The following ZSWIM2 variants were observed in gnomAD, a reference collection of about 807,000 sequenced individuals.
ZSWIM2 encodes zinc finger SWIM-type containing 2.
Under a neutral mutation model 48.4 loss-of-function variants are expected in ZSWIM2, and 38 were observed. The observed-to-expected ratio is 0.79, with a 90% CI of 0.61 to 1.03. The LOEUF (loss-of-function observed/expected upper bound fraction) is 1.03. Among genes scored for constraint, ZSWIM2 ranks in the 50% least tolerant of loss-of-function variants. The pLI, the probability that ZSWIM2 is intolerant of heterozygous loss-of-function variation, is 0.00. For missense variants in ZSWIM2, 776 were observed against 730.2 expected, an observed-to-expected ratio of 1.06 and a Z score of -0.72; for synonymous variants, 240 against 251.3, an observed-to-expected ratio of 0.96 and a Z score of 0.42.
At chr2:186,848,398 G>C (rs1215777856) in intron 1 of ZSWIM2, among the ~76,000 whole-genome samples, 1 of 152,176 alleles carries the variant, frequency 6.6e-6, no homozygotes, top group Non-Finnish European at 1.5e-5. Context: ...TAATTTTTGA[G>C]TGGTTAAGGA....
chr2:186,830,324 G>A (rs1183139718), intron 7 of ZSWIM2, among the ~76,000 whole-genome samples: 1 of 152,178 alleles, frequency 6.6e-6, no homozygotes, highest in East Asian at 1.9e-4. Context: ...GGAGGTTGCA[G>A]TGAGCCGAGA....
intron 3 of ZSWIM2, among the ~76,000 whole-genome samples, chr2:186,839,570 A>C (rs1475489122): frequency 6.6e-6 from 1 of 151,718 alleles, no homozygotes; most frequent in East Asian, 1.9e-4. Flanking sequence ...CTGATATCCG[A>C]GTAGCTACTG....
rs201691052 is a variant in ZSWIM2 at position 186,828,258 on chromosome 2, C to T, written c.1628G>A (p.Arg543Gln). The change falls in exon 9 of 9, where the codon CGG becomes CAG. Residue 543 changes from arginine to glutamine, a missense_variant. Transcript: ENST00000295131. ...ISGKFHTSLS[R>Q]MTKGCKCNNH... ...ATTACATTTACAGCCTTTGGTCATC[C>T]GGCTTAGACTAGTGTGAAATTTTCC... The T allele has an allele frequency of 1.2e-5, 19 of 1,613,522 alleles. 1 individual carries two copies. The highest frequency in any genetic ancestry group is 4.5e-5 in the East Asian group (2 of 44,856).
At chr2:186,846,826 T>TATATATATATATATATATATATAA (rs1692012786) in intron 2 of ZSWIM2, among the ~76,000 whole-genome samples, 2 of 137,732 alleles carry the variant, frequency 1.5e-5, no homozygotes, top group African/African-American at 5.3e-5. Context: ...TATATATATA[T>TATATATATATATATATATATATAA]AATGTAATAG....
chr2:186,847,858 G>T, intron 1 of ZSWIM2, 63 bp from the exon 2 acceptor site: 1 of 1,191,874 alleles, frequency 8.4e-7, no homozygotes, highest in Non-Finnish European at 1.2e-6. Flanking sequence ...GCAAAACTGA[G>T]TTAATAAAAG....
rs748535826 is a variant in ZSWIM2 at position 186,837,288 on chromosome 2, T to C, written c.743+18A>G. Reference sequence around the variant, plus strand: ...AATAAAAAAGAACACATGCTTATAATTTACGGATAACACTTACTTATAACA... The same window carrying C: ...AATAAAAAAGAACACATGCTTATAACTTACGGATAACACTTACTTATAACA... On this transcript the variant is annotated intron_variant, in intron 5 of 8. Coordinates refer to ENST00000295131, the MANE Select transcript of ZSWIM2 (RefSeq NM_182521.3). 9 of 1,608,610 alleles carry C rather than the reference T, an allele frequency of 5.6e-6. No homozygotes were observed. The highest frequency in any genetic ancestry group is 7.6e-6 in the Non-Finnish European group (9 of 1,176,994).
At position 186,845,187 on chromosome 2, in the gene ZSWIM2, A is replaced by T. The variant is rs1292017376; in HGVS notation, c.243-430T>A. 1.4e-4 allele frequency among the ~76,000 whole-genome samples: 21 copies of T among 151,096 alleles called. No individual in the cohort carries two copies. The South Asian group carries it at 4.2e-3, about 30-fold the overall frequency. Reference sequence around the variant, plus strand: ...GCATGATATAAAAAAATTTTTTTTAAATTTTACCAATAAAATGGAATGCGA... The same window carrying T: ...GCATGATATAAAAAAATTTTTTTTATATTTTACCAATAAAATGGAATGCGA... On this transcript the variant is annotated intron_variant, in intron 2 of 8. Coordinates refer to ENST00000295131, the MANE Select transcript of ZSWIM2 (RefSeq NM_182521.3).
chr2:186,832,445 A>T (rs1691718565), intron 7 of ZSWIM2, among the ~76,000 whole-genome samples: 1 of 151,994 alleles, frequency 6.6e-6, no homozygotes, highest in Non-Finnish European at 1.5e-5. Context: ...ATTGAACAGG[A>T]CTATTGCAAA....
intron 3 of ZSWIM2, among the ~76,000 whole-genome samples, chr2:186,842,370 C>T (rs10201183): frequency 0.15 from 22,127 of 151,056 alleles, 2,538 homozygotes; most frequent in African/African-American, 0.33. Flanking sequence ...TTCTCAATGC[C>T]TACTAATTAA....
intron 4 of ZSWIM2, among the ~76,000 whole-genome samples, 173 bp downstream of exon 4, chr2:186,838,777 TTATATTATA>T (rs1196756662): frequency 2.1e-5 from 3 of 142,054 alleles, no homozygotes; most frequent in Non-Finnish European, 4.5e-5. Flanking sequence ...TATAATATAT[TTATATTATA>T]TATATTATAT....
rs1322669037 is a variant in ZSWIM2, at chr2:186,828,286, T to G, written c.1600A>C (p.Ser534Arg). Reference sequence around the variant, plus strand: ...CTTAGACTAGTGTGAAATTTTCCACTGATGCATGGACTTTCCATTGCAGTG... The same window carrying G: ...CTTAGACTAGTGTGAAATTTTCCACGGATGCATGGACTTTCCATTGCAGTG... ...CPTAMESPCI[S>R]GKFHTSLSRM... Residue 534 changes from serine to arginine, a missense_variant, in exon 9 of 9, where the codon AGT becomes CGT. Ser to Arg is a moderately radical substitution (Grantham distance 110). Coordinates refer to ENST00000295131, the MANE Select transcript of ZSWIM2 (RefSeq NM_182521.3). 1 of 1,613,748 alleles carries G rather than the reference T, an allele frequency of 6.2e-7. No individual in the cohort carries two copies. Among genetic ancestry groups the G allele is most frequent in the Non-Finnish European group, 8.5e-7 (1 of 1,179,836 alleles).
chr2:186,839,499 A>C (rs1691864926), intron 3 of ZSWIM2, among the ~76,000 whole-genome samples: 2 of 151,778 alleles, frequency 1.3e-5, no homozygotes, highest in South Asian at 4.1e-4. Context: ...TCCATAAACA[A>C]ATATTTTGTC....
Position 186,839,127 on chromosome 2 carries a change from A to G in ZSWIM2, c.326T>C (p.Leu109Ser). ...LGLGEREISD[L>S]LRGIHRVQTP... Reference sequence around the variant, plus strand: ...TTGAACTCGATGTATCCCCCGAAGCAAGTCACTTATCTCTCTTTCTCCAAG... The same window carrying G: ...TTGAACTCGATGTATCCCCCGAAGCGAGTCACTTATCTCTCTTTCTCCAAG... The change falls in exon 4 of 9, where the codon TTG becomes TCG. Residue 109 changes from leucine to serine, a missense_variant. By Grantham distance (145) the Leu-to-Ser change is moderately radical. Transcript: ENST00000295131. 1 of 1,611,650 alleles carries G rather than the reference A, an allele frequency of 6.2e-7. No homozygotes were observed. The highest frequency in any genetic ancestry group is 1.1e-5 in the South Asian group (1 of 90,982).
intron 8 of ZSWIM2, 61 bp downstream of exon 8, chr2:186,829,666 C>T: frequency 1.5e-5 from 23 of 1,547,450 alleles, no homozygotes; most frequent in Non-Finnish European, 2.0e-5. Context: ...CTTAAATTGT[C>T]ACTTCATTTG....
At chr2:186,840,745 A>G (rs1011454270) in intron 3 of ZSWIM2, among the ~76,000 whole-genome samples, 1 of 151,532 alleles carries the variant, frequency 6.6e-6, no homozygotes, top group Non-Finnish European at 1.5e-5. Flanking sequence ...TGGAAGAAAG[A>G]CAATTTTTAA....
Position 186,828,195 on chromosome 2 carries a change from C to A in ZSWIM2, c.1691G>T (p.Arg564Ile). 1 of 1,613,592 alleles carries A rather than the reference C, an allele frequency of 6.2e-7. No homozygotes were observed. The highest frequency in any genetic ancestry group is 8.5e-7 in the Non-Finnish European group (1 of 1,179,740). The change falls in exon 9 of 9, where the codon AGA becomes ATA. Residue 564 changes from arginine to isoleucine, a missense_variant. Physicochemically the swap from Arg to Ile is moderately conservative, Grantham distance 97. Transcript: ENST00000295131. Reference sequence around the variant, plus strand: ...TAAAGTTGATCTCTTGTTGTCCTCTCTTATTTTAGTGGCAGGAGTCTTCTT... The same window carrying A: ...TAAAGTTGATCTCTTGTTGTCCTCTATTATTTTAGTGGCAGGAGTCTTCTT... ...NLKKTPATKI[R>I]EDNKRSTLLP...
intron 3 of ZSWIM2, among the ~76,000 whole-genome samples, chr2:186,841,614 T>C (rs1274036320): frequency 6.6e-6 from 1 of 151,264 alleles, no homozygotes; most frequent in Non-Finnish European, 1.5e-5. Flanking sequence ...CAGTTAGAAA[T>C]AAATGCCTAA....
chr2:186,836,785 C>G (rs996296349), intron 5 of ZSWIM2, among the ~76,000 whole-genome samples: 1 of 152,108 alleles, frequency 6.6e-6, no homozygotes, highest in African/African-American at 2.4e-5. Flanking sequence ...CTAATAATTA[C>G]TATGTTTTTG....
intron 8 of ZSWIM2, 92 bp from the exon 9 acceptor site, chr2:186,828,882 T>A: frequency 1.3e-6 from 1 of 763,002 alleles, no homozygotes; most frequent in Non-Finnish European, 1.8e-6. Context: ...ATTTTATGAT[T>A]AAAAATATTT....
Sources: allele counts gnomAD v4.1 joint callset (sites outside exome capture counted in the v4.1 genomes callset), GRCh38; gene constraint gnomAD v4.1.1; transcripts MANE v1.5; gene names NCBI Gene and HGNC (gene_info 2026-07-23, HGNC 2026-07-21).